Variants in HECW1 observed in about 807,000 individuals in gnomAD.
The protein encoded by HECW1 is E3 ubiquitin-protein ligase HECW1.
A neutral mutation model predicts 182.3 loss-of-function variants in HECW1; 61 were observed. The ratio of observed to expected loss-of-function variants is 0.33; its 90% confidence interval spans 0.27 to 0.41. The LOEUF is 0.41. Ranked by LOEUF, HECW1 falls within the 10% of genes least tolerant of loss-of-function variation. The pLI is 1.00. For missense variants in HECW1, 1,739 were observed against 2,108.9 expected (o/e 0.82, Z 3.44); for synonymous variants, 859 against 832.6 (o/e 1.03, Z -0.55).
intron 11 of HECW1, among the ~76,000 whole-genome samples, chr7:43,446,165 T>C (rs1338086525): frequency 2.6e-5 from 4 of 152,122 alleles, no homozygotes; most frequent in Admixed American, 6.5e-5. Flanking sequence ...TTGTTGTTGT[T>C]GTTGTTGTTG....
chr7:43,374,588 A>C (rs2152822286), intron 6 of HECW1, among the ~76,000 whole-genome samples: 1 of 52,858 alleles, frequency 1.9e-5, no homozygotes, highest in Non-Finnish European at 3.3e-5. Context: ...TCCCGGCTAA[A>C]ACGGTGAAAC....
At chr7:43,183,303 G>A (rs1793049933) in intron 2 of HECW1, among the ~76,000 whole-genome samples, 1 of 152,192 alleles carries the variant, frequency 6.6e-6, no homozygotes, top group African/African-American at 2.4e-5. Flanking sequence ...CCTGGTAGGT[G>A]GAGCCAGGCT....
At chr7:43,126,330 T>C (rs1456083528) in intron 2 of HECW1, among the ~76,000 whole-genome samples, 1 of 152,194 alleles carries the variant, frequency 6.6e-6, no homozygotes, top group Non-Finnish European at 1.5e-5. Context: ...ATTTTTAAAA[T>C]ATAACACATA....
chr7:43,480,228 C>T (rs547926584), intron 17 of HECW1, among the ~76,000 whole-genome samples: 29 of 152,194 alleles, frequency 1.9e-4, no homozygotes, highest in African/African-American at 6.5e-4. Flanking sequence ...ACTCTATTCG[C>T]GCTCTACAAT....
chr7:43,412,778 T>G (rs2075851476), intron 8 of HECW1, among the ~76,000 whole-genome samples: 1 of 151,766 alleles, frequency 6.6e-6, no homozygotes, highest in South Asian at 2.1e-4. Context: ...ACAAAGGACA[T>G]GAACTCATCA....
intron 5 of HECW1, among the ~76,000 whole-genome samples, chr7:43,359,076 T>C (rs12673745): frequency 0.084 from 12,853 of 152,182 alleles, 675 homozygotes; most frequent in East Asian, 0.22. Context: ...TCCACCCACC[T>C]CGGCCTCCCA....
chr7:43,344,849 G>A (rs1052609398), intron 5 of HECW1, among the ~76,000 whole-genome samples: 9 of 151,846 alleles, frequency 5.9e-5, no homozygotes, highest in South Asian at 4.2e-4. Context: ...AGAATTTCTC[G>A]GATTCAAAAT....
intron 3 of HECW1, among the ~76,000 whole-genome samples, chr7:43,300,208 T>A (rs2152762299): frequency 6.6e-6 from 1 of 152,372 alleles, no homozygotes; most frequent in African/African-American, 2.4e-5. Flanking sequence ...CAGTTCTTCC[T>A]TATTTCCTTC....
chr7:43,407,273 C>T (rs2075642884), intron 7 of HECW1, among the ~76,000 whole-genome samples: 1 of 152,068 alleles, frequency 6.6e-6, no homozygotes, highest in Non-Finnish European at 1.5e-5. Context: ...TCAGTGAGGC[C>T]CACATATATC....
At chr7:43,371,884 G>A (rs536765714) in intron 6 of HECW1, among the ~76,000 whole-genome samples, 1 of 152,278 alleles carries the variant, frequency 6.6e-6, no homozygotes, top group South Asian at 2.1e-4. Context: ...CAATGGCACG[G>A]TCTCGGCTCA....
Position 43,307,389 on chromosome 7 carries a change from T to G in HECW1, c.28-4374T>G, listed in dbSNP as rs550862518. On this transcript the variant is annotated intron_variant, in intron 3 of 29. Transcript: ENST00000395891. ...GGTTGGAGAAAAGGCTGGGAGAAAT[T>G]TAGTGATATCCGTTGATTTCCCATA... Among the ~76,000 whole-genome samples the G allele has an allele frequency of 3.9e-5, 6 of 152,264 alleles. No individual in the cohort carries two copies. The South Asian group carries it at 1.0e-3, about 26-fold the overall frequency.
chr7:43,432,179 G>A lies in HECW1; in HGVS notation c.802-5824G>A, dbSNP rs1183965450. ...TTTTGAGACGGAGTCTCGCTCTGTC[G>A]CCCGGGCTGGAGTGCAGTGGCGGGA... On this transcript the variant is annotated intron_variant, in intron 8 of 29. Transcript: ENST00000395891. The surrounding 1 kb of genome is among the most constrained non-coding windows in gnomAD (Gnocchi z 4.1). Among the ~76,000 whole-genome samples, 1 of 143,358 alleles carries A rather than the reference G, an allele frequency of 7.0e-6. No homozygotes were observed. Among genetic ancestry groups the A allele is most frequent in the Non-Finnish European group, 1.5e-5 (1 of 66,786 alleles). The allele number at this position is 143,358 out of a possible 152,430, so 94.0% of individuals were successfully genotyped here. A position where few individuals can be genotyped will look rare whatever the true frequency, so the allele number is the denominator to read the frequency against.
intron 5 of HECW1, among the ~76,000 whole-genome samples, chr7:43,336,144 T>TTCTCTCTCTCTCTCTCTCTCTCTCTC (rs768468130): frequency 9.4e-4 from 49 of 51,972 alleles, no homozygotes; most frequent in Non-Finnish European, 1.4e-3. Context: ...CTCTCTCTCT[T>TTCTCTCTCTCTCTCTCTCTCTCTCTC]TCTCTCTCTC....
chr7:43,561,543 T>C (rs936224622), intron 29 of HECW1, among the ~76,000 whole-genome samples: 3 of 152,234 alleles, frequency 2.0e-5, no homozygotes, highest in African/African-American at 4.8e-5. Flanking sequence ...GCTGATACCA[T>C]AGAGTTTATA....
At chr7:43,342,945 G>A (rs1164781517) in intron 5 of HECW1, among the ~76,000 whole-genome samples, 1 of 151,584 alleles carries the variant, frequency 6.6e-6, no homozygotes, top group African/African-American at 2.4e-5. Context: ...AGAATGGCAT[G>A]AACCTGGGAG....
chr7:43,370,440 G>T (rs545088108), intron 6 of HECW1, among the ~76,000 whole-genome samples: 2 of 152,282 alleles, frequency 1.3e-5, no homozygotes, highest in Non-Finnish European at 2.9e-5. Flanking sequence ...AAGACAATTT[G>T]GTTGTTACTT....
At chr7:43,126,942 C>G (rs1431802008) in intron 2 of HECW1, among the ~76,000 whole-genome samples, 1 of 152,160 alleles carries the variant, frequency 6.6e-6, no homozygotes, top group East Asian at 1.9e-4. Flanking sequence ...CATCCTTCTT[C>G]CTTGCCTCGG....
chr7:43,152,347 C>T (rs1022241848), intron 2 of HECW1, among the ~76,000 whole-genome samples: 5 of 152,088 alleles, frequency 3.3e-5, no homozygotes, highest in Non-Finnish European at 5.9e-5. Context: ...TATTTTGAAA[C>T]TATGTATTTT....
At chr7:43,346,246 G>A (rs938214625) in intron 5 of HECW1, among the ~76,000 whole-genome samples, 4 of 152,130 alleles carry the variant, frequency 2.6e-5, no homozygotes, top group Admixed American at 2.6e-4. Flanking sequence ...CTGATAATTA[G>A]TGATGTTGAG....
Sources: allele counts gnomAD v4.1 joint callset (sites outside exome capture counted in the v4.1 genomes callset), GRCh38; gene constraint gnomAD v4.1.1; non-coding constraint Gnocchi (gnomAD v3.1); transcripts MANE v1.5; gene names NCBI Gene and HGNC (gene_info 2026-07-23, HGNC 2026-07-21).